The following ZC3H12A variants were observed in gnomAD, a reference collection of about 807,000 sequenced individuals.
ZC3H12A encodes the protein zinc finger CCCH-type containing 12A.
ZC3H12A carries 9 observed loss-of-function variants against 29.9 expected under a neutral mutation model. That is an observed-to-expected ratio of 0.30 (90% CI 0.18 to 0.53). ZC3H12A has a LOEUF of 0.53. Among genes scored for constraint, ZC3H12A ranks in the 20% least tolerant of loss-of-function variants. ZC3H12A has a pLI of 0.96. For missense variants in ZC3H12A, 617 were observed against 799.0 expected (o/e 0.77, Z 2.75); for synonymous variants, 323 against 338.1 (o/e 0.96, Z 0.49).
At position 37,478,981 on chromosome 1, in the gene ZC3H12A, T is replaced by A; in HGVS notation, c.444-1309T>A. 4.1e-6 allele frequency: 4 copies of A among 985,162 alleles called. No homozygotes were observed. Among genetic ancestry groups the A allele is most frequent in the Non-Finnish European group, 4.8e-6 (4 of 829,856 alleles). 61.0% of individuals were successfully genotyped at this position (985,162 alleles called of 1,614,324 possible). Reference sequence around the variant, plus strand: ...CAGTCTTGCCCCCAAATAGCCTCCATGGCCCCCAGCTGCCCCACCTCCCTC... The same window carrying A: ...CAGTCTTGCCCCCAAATAGCCTCCAAGGCCCCCAGCTGCCCCACCTCCCTC... On this transcript the variant is annotated intron_variant, in intron 2 of 5. Coordinates refer to ENST00000373087, the MANE Select transcript of ZC3H12A (RefSeq NM_025079.3). This position sits in a 1 kb window ranked among gnomAD's most constrained non-coding sequence, Gnocchi z 5.2.
chr1:37,479,876 C>T lies in ZC3H12A; in HGVS notation c.444-414C>T, dbSNP rs1038876900. The T allele has an allele frequency of 2.5e-5, 25 of 1,005,130 alleles. No individual in the cohort carries two copies. Among genetic ancestry groups the T allele is most frequent in the Non-Finnish European group, 3.0e-5 (25 of 841,478 alleles). The allele number at this position is 1,005,130 out of a possible 1,614,324, so 62.3% of individuals were successfully genotyped here. ...TGTCCCTGTGGTCCCGGCAGCTCGCCGGGTGGGGCAGGAACCAGAAGTCTC... is the reference window on the plus strand; with the variant it reads ...TGTCCCTGTGGTCCCGGCAGCTCGCTGGGTGGGGCAGGAACCAGAAGTCTC... On this transcript the variant is annotated intron_variant, in intron 2 of 5. Coordinates refer to ENST00000373087, the MANE Select transcript of ZC3H12A (RefSeq NM_025079.3). This position sits in a 1 kb window ranked among gnomAD's most constrained non-coding sequence, Gnocchi z 4.5.
intron 2 of ZC3H12A, among the ~76,000 whole-genome samples, chr1:37,477,750 G>C (rs970277311): frequency 6.6e-6 from 1 of 152,176 alleles, no homozygotes; most frequent in African/African-American, 2.4e-5. Flanking sequence ...AACTGGAATG[G>C]GGGCAGGGAT....
At position 37,484,013 on chromosome 1, in the gene ZC3H12A, C is replaced by T. The variant is rs370755174; in HGVS notation, c.*402C>T. On this transcript the variant is annotated 3_prime_UTR_variant, in exon 6 of 6. Coordinates refer to ENST00000373087, the MANE Select transcript of ZC3H12A (RefSeq NM_025079.3). Reference sequence around the variant, plus strand: ...CCCCACTTCCGCCCTACCCCTGGGACGTTGGCCTTGGCTGGCTAGTTGGGC... The same window carrying T: ...CCCCACTTCCGCCCTACCCCTGGGATGTTGGCCTTGGCTGGCTAGTTGGGC... 289 of 179,712 alleles carry T rather than the reference C, an allele frequency of 1.6e-3. 1 individual carries two copies. Among genetic ancestry groups the T allele is most frequent in the Middle Eastern group, 2.5e-3 (1 of 396 alleles). 11.1% of individuals were successfully genotyped at this position (179,712 alleles called of 1,614,324 possible). A position where few individuals can be genotyped will look rare whatever the true frequency, so the allele number is the denominator to read the frequency against.
chr1:37,480,347 T>C lies in ZC3H12A; in HGVS notation c.501T>C (p.Phe167=), dbSNP rs745451419. ...CRGILLAVNW[F]LERGHTDITV... is the part of the protein sequence containing the mutation. ...GCATCCTGCTGGCAGTGAACTGGTT[T>C]CTGGAGCGGGGCCACACAGACATCA... Residue 167 remains phenylalanine (F), a synonymous_variant, in exon 3 of 6, where the codon TTT becomes TTC. Transcript: ENST00000373087. 1.9e-6 allele frequency: 3 copies of C among 1,614,054 alleles called. No homozygotes were observed. The highest frequency in any genetic ancestry group is 2.5e-6 in the Non-Finnish European group (3 of 1,179,972).
In ZC3H12A at chr1:37,476,061, G is replaced by T; in HGVS notation, c.443+122G>T. On this transcript the variant is annotated intron_variant, in intron 2 of 5. Transcript: ENST00000373087. This position sits in a 1 kb window ranked among gnomAD's most constrained non-coding sequence, Gnocchi z 6.0. ...TGGAAGAAGTGACTTCCTTCTTAGGGACTGGTCTAGAGGGAGGGAAAGCCT... is the reference window on the plus strand; with the variant it reads ...TGGAAGAAGTGACTTCCTTCTTAGGTACTGGTCTAGAGGGAGGGAAAGCCT... The T allele has an allele frequency of 9.1e-7, 1 of 1,093,752 alleles. No individual in the cohort carries two copies. Among genetic ancestry groups the T allele is most frequent in the Non-Finnish European group, 1.3e-6 (1 of 792,952 alleles). The allele number at this position is 1,093,752 out of a possible 1,614,324, so 67.8% of individuals were successfully genotyped here. A position where few individuals can be genotyped will look rare whatever the true frequency, so the allele number is the denominator to read the frequency against.
intron 3 of ZC3H12A, among the ~76,000 whole-genome samples, chr1:37,481,065 AG>A (rs910454597): frequency 6.6e-6 from 1 of 152,192 alleles, no homozygotes; most frequent in Non-Finnish European, 1.5e-5. Context: ...CTGGGACTGT[AG>A]GCTCCAGGAA....
At position 37,479,335 on chromosome 1, in the gene ZC3H12A, TC is replaced by T; in HGVS notation, c.444-954del. 1.0e-6 allele frequency: 1 copy of T among 985,358 alleles called. No individual in the cohort carries two copies. Among genetic ancestry groups the T allele is most frequent in the Non-Finnish European group, 1.2e-6 (1 of 829,920 alleles). The allele number at this position is 985,358 out of a possible 1,614,324, so 61.0% of individuals were successfully genotyped here. A position where few individuals can be genotyped will look rare whatever the true frequency, so the allele number is the denominator to read the frequency against. Reference sequence around the variant, plus strand: ...GAAAGCTGTCCCACTGACTGACCCCTCTTAAGGAAGCTGCAGACTGCTGGGC... The same window carrying T: ...GAAAGCTGTCCCACTGACTGACCCCTTTAAGGAAGCTGCAGACTGCTGGGC... On this transcript the variant is annotated intron_variant, in intron 2 of 5. Coordinates refer to ENST00000373087, the MANE Select transcript of ZC3H12A (RefSeq NM_025079.3). This position sits in a 1 kb window ranked among gnomAD's most constrained non-coding sequence, Gnocchi z 4.5.
chr1:37,482,379 A>C, intron 4 of ZC3H12A, 55 bp from the exon 5 acceptor site: 1 of 1,475,884 alleles, frequency 6.8e-7, no homozygotes, highest in Non-Finnish European at 9.3e-7. Context: ...CTTCTCAGCA[A>C]TTAGAAGTCC....
rs779999567 is a variant in ZC3H12A at position 37,475,761 on chromosome 1, G to A, written c.265G>A (p.Gly89Arg). ...GGTGCTGGGTGAGCTGGTGAAACAC[G>A]GGACAGCCACCGAGCGGGAGCGCCA... ...NTVLGELVKH[G>R]TATERERQTS... Residue 89 changes from glycine (G) to arginine (R), a missense_variant, in exon 2 of 6, where the codon GGG (glycine) becomes AGG (arginine). Gly to Arg is a moderately radical substitution (Grantham distance 125, BLOSUM62 -2). Coordinates refer to ENST00000373087, the MANE Select transcript of ZC3H12A (RefSeq NM_025079.3). This position sits in a 1 kb window ranked among gnomAD's most constrained non-coding sequence, Gnocchi z 5.2. The A allele has an allele frequency of 3.1e-6, 5 of 1,613,704 alleles. No homozygotes were observed. The highest frequency in any genetic ancestry group is 4.5e-5 in the East Asian group (2 of 44,886).
Position 37,476,027 on chromosome 1 carries a change from C to T in ZC3H12A, c.443+88C>T, listed in dbSNP as rs1641582742. 6.0e-6 allele frequency: 8 copies of T among 1,325,976 alleles called. No homozygotes were observed. In the East Asian group the frequency reaches 7.6e-5, roughly 13 times the overall value. 82.1% of individuals were successfully genotyped at this position (1,325,976 alleles called of 1,614,324 possible). ...TGGAAGGATGACTGTCTCTGCAGCT[C>T]TGGTGGGCTGGAAGAAGTGACTTCC... On this transcript the variant is annotated intron_variant, in intron 2 of 5. Coordinates refer to ENST00000373087, the MANE Select transcript of ZC3H12A (RefSeq NM_025079.3). The surrounding 1 kb of genome is among the most constrained non-coding windows in gnomAD (Gnocchi z 6.0).
In ZC3H12A at chr1:37,483,020, G is replaced by A. The variant is rs1165203331; in HGVS notation, c.1209G>A (p.Arg403=). The A allele has an allele frequency of 1.9e-6, 3 of 1,608,022 alleles. No homozygotes were observed. The highest frequency in any genetic ancestry group is 1.7e-6 in the Non-Finnish European group (2 of 1,177,552). Residue 403 remains arginine (R), a synonymous_variant, in exon 6 of 6, where the codon AGG becomes AGA. Transcript: ENST00000373087. The part of the protein sequence containing the change: ...GLTQTYAPSG[R]SLAPSGGSGS... ...CACAGACCTATGCCCCATCAGGCAG[G>A]AGCCTCGCACCTAGCGGGGGCAGTG... is the stretch of plus-strand genomic sequence containing the variant.
chr1:37,482,570 C>T, intron 5 of ZC3H12A, 30 bp downstream of exon 5: 3 of 1,612,266 alleles, frequency 1.9e-6, no homozygotes, highest in Non-Finnish European at 2.5e-6. Context: ...CTCCCCGGCC[C>T]TCCTCACTCC....
At chr1:37,477,488 C>G (rs12408993) in intron 2 of ZC3H12A, among the ~76,000 whole-genome samples, 15,940 of 152,218 alleles carry the variant, frequency 0.1, 1,086 homozygotes, top group East Asian at 0.35. Flanking sequence ...CGGCCACCCC[C>G]CCTCCCCAGG....
At chr1:37,477,581 C>T (rs570243682) in intron 2 of ZC3H12A, among the ~76,000 whole-genome samples, 1 of 152,152 alleles carries the variant, frequency 6.6e-6, no homozygotes, top group Non-Finnish European at 1.5e-5. Context: ...TTTTTCCACT[C>T]GCCAGGCCCA....
chr1:37,479,684 C>T lies in ZC3H12A; in HGVS notation c.444-606C>T, dbSNP rs950394065. 8.1e-6 allele frequency: 8 copies of T among 985,380 alleles called. No homozygotes were observed. Among genetic ancestry groups the T allele is most frequent in the Middle Eastern group, 5.2e-4 (1 of 1,914 alleles). 61.0% of individuals were successfully genotyped at this position (985,380 alleles called of 1,614,324 possible). A position where few individuals can be genotyped will look rare whatever the true frequency, so the allele number is the denominator to read the frequency against. ...TGAAGGCTGGAGTCGCCAGCCCCTT[C>T]CCCTTTGCCTTTCTCAGGCCCCAGT... On this transcript the variant is annotated intron_variant, in intron 2 of 5. Transcript: ENST00000373087. This position sits in a 1 kb window ranked among gnomAD's most constrained non-coding sequence, Gnocchi z 4.5.
At position 37,483,682 on chromosome 1, in the gene ZC3H12A, G is replaced by A; in HGVS notation, c.*71G>A. On this transcript the variant is annotated 3_prime_UTR_variant, in exon 6 of 6. Coordinates refer to ENST00000373087, the MANE Select transcript of ZC3H12A (RefSeq NM_025079.3). ...GTCAGGCTGGGCTTTGGGCCATTGA[G>A]CAGCCCATTCCCAGCCCTGAGGCCC... 6.8e-7 allele frequency: 1 copy of A among 1,479,556 alleles called. No homozygotes were observed. 91.7% of individuals were successfully genotyped at this position (1,479,556 alleles called of 1,614,324 possible).
chr1:37,482,515 G>A lies in ZC3H12A; in HGVS notation c.900G>A (p.Glu300=). 2 of 1,614,122 alleles carry A rather than the reference G, an allele frequency of 1.2e-6. No homozygotes were observed. The highest frequency in any genetic ancestry group is 2.2e-5 in the South Asian group (2 of 91,084). Residue 300 remains glutamate, a synonymous_variant, in exon 5 of 6, where the codon GAG becomes GAA. Coordinates refer to ENST00000373087, the MANE Select transcript of ZC3H12A (RefSeq NM_025079.3). ...TGCGTAAGAAGCCACTCACTTTGGA[G>A]CACAGGAAGCAGCCGTGTCCCTATG... The part of the protein sequence containing the change: ...NFLRKKPLTL[E]HRKQPCPYGR...
Position 37,479,814 on chromosome 1 carries a change from G to A in ZC3H12A, c.444-476G>A, listed in dbSNP as rs569249445. 121 of 985,446 alleles carry A rather than the reference G, an allele frequency of 1.2e-4. No homozygotes were observed. In the Middle Eastern group the frequency reaches 2.6e-3, roughly 21 times the overall value. 61.0% of individuals were successfully genotyped at this position (985,446 alleles called of 1,614,324 possible). Reference sequence around the variant, plus strand: ...CGCCCCCACCCACGCTGCAAGAGGCGAGGGAGGGGTGGTGACTCAGTGTGC... The same window carrying A: ...CGCCCCCACCCACGCTGCAAGAGGCAAGGGAGGGGTGGTGACTCAGTGTGC... On this transcript the variant is annotated intron_variant, in intron 2 of 5. Coordinates refer to ENST00000373087, the MANE Select transcript of ZC3H12A (RefSeq NM_025079.3). This position sits in a 1 kb window ranked among gnomAD's most constrained non-coding sequence, Gnocchi z 4.5.
At chr1:37,480,223 C>A (rs1333334929) in intron 2 of ZC3H12A, 67 bp from the exon 3 acceptor site, 3 of 1,561,260 alleles carry the variant, frequency 1.9e-6, no homozygotes, top group Admixed American at 3.6e-5. Flanking sequence ...CCTCCCTCCT[C>A]CTGCTCAGGC....
Sources: gnomAD v4.1 joint callset for allele counts (sites outside exome capture counted in the v4.1 genomes callset) on GRCh38, gnomAD v4.1.1 for gene constraint, Gnocchi (gnomAD v3.1) non-coding constraint, MANE v1.5 for transcripts, NCBI Gene and HGNC (gene_info 2026-07-23, HGNC 2026-07-21) for gene names.